The following PKD2 variants were observed in gnomAD, a reference collection of about 807,000 sequenced individuals.
The protein encoded by PKD2 is polycystin-2.
PKD2 carries 48 observed loss-of-function variants against 105.9 expected under a neutral mutation model. The observed-to-expected ratio is 0.45, with a 90% CI of 0.36 to 0.58. The LOEUF is 0.58. Ranked by LOEUF, PKD2 falls within the 20% of genes least tolerant of loss-of-function variation. The pLI is 0.00. For missense variants in PKD2, 1,078 were observed against 1,255.3 expected (o/e 0.86, Z 2.13); for synonymous variants, 464 against 481.1 (o/e 0.96, Z 0.46).
At chr4:88,055,882 T>C (rs1720310629) in intron 7 of PKD2, among the ~76,000 whole-genome samples, 2 of 152,322 alleles carry the variant, frequency 1.3e-5, no homozygotes, top group South Asian at 4.1e-4. Flanking sequence ...GTTTGACTAT[T>C]CTAAGTACCT....
chr4:88,008,389 G>T, intron 1 of PKD2, 61 bp downstream of exon 1: 1 of 1,465,190 alleles, frequency 6.8e-7, no homozygotes, highest in Non-Finnish European at 9.0e-7. Flanking sequence ...GCCGGCCGGG[G>T]CCATCGCCCG....
intron 10 of PKD2, among the ~76,000 whole-genome samples, chr4:88,064,594 G>A (rs776014742): frequency 3.3e-5 from 5 of 152,006 alleles, no homozygotes; most frequent in Middle Eastern, 3.2e-3. Flanking sequence ...TCTAAAGTTC[G>A]CTAATGAAAA....
At chr4:88,075,174 A>G (rs1055862702) in intron 14 of PKD2, among the ~76,000 whole-genome samples, 4 of 152,220 alleles carry the variant, frequency 2.6e-5, no homozygotes, top group Admixed American at 6.5e-5. Context: ...TAAAACATCA[A>G]TGTAGTCATA....
chr4:88,074,357 C>T (rs1362149708), intron 13 of PKD2, among the ~76,000 whole-genome samples: 3 of 152,066 alleles, frequency 2.0e-5, no homozygotes, highest in Admixed American at 2.0e-4. Flanking sequence ...CAGGCTGGCT[C>T]GAACTCCTGG....
intron 2 of PKD2, among the ~76,000 whole-genome samples, chr4:88,029,894 GA>G (rs1489275812): frequency 6.6e-6 from 1 of 152,194 alleles, no homozygotes; most frequent in African/African-American, 2.4e-5. Context: ...CCAGTTCCTG[GA>G]GAGCAGATCA....
At chr4:88,054,564 T>C (rs2110125244) in intron 7 of PKD2, among the ~76,000 whole-genome samples, 1 of 152,108 alleles carries the variant, frequency 6.6e-6, no homozygotes. Flanking sequence ...CTCAGGCTGA[T>C]GTGTTTTATT....
At chr4:88,041,522 G>A (rs922091989) in intron 4 of PKD2, among the ~76,000 whole-genome samples, 8 of 152,146 alleles carry the variant, frequency 5.3e-5, no homozygotes, top group African/African-American at 1.9e-4. Flanking sequence ...GCTTCCAGGA[G>A]CCCTCTCCCA....
At chr4:88,019,119 A>G (rs903657085) in intron 1 of PKD2, among the ~76,000 whole-genome samples, 4 of 152,198 alleles carry the variant, frequency 2.6e-5, no homozygotes, top group African/African-American at 9.7e-5. Context: ...AGTTTTGCAC[A>G]ATTATTTAAC....
At chr4:88,042,080 T>A (rs191523079) in intron 4 of PKD2, among the ~76,000 whole-genome samples, 11 of 152,344 alleles carry the variant, frequency 7.2e-5, no homozygotes, top group East Asian at 1.9e-4. Context: ...CTGAACTACT[T>A]CTTCTCTTGA....
rs1720121916 is a variant in PKD2, at chr4:88,052,015, A to C, written c.1573A>C (p.Asn525His). Residue 525 changes from asparagine (N) to histidine (H), a missense_variant, in exon 7 of 15, where the codon AAC (asparagine) becomes CAC (histidine). Asn to His is a moderately conservative substitution (Grantham distance 68). Around this residue, in one of 2 missense-constraint regions of PKD2, gnomAD observed 868 missense variants for 1,067.3 expected, o/e 0.81. Coordinates refer to ENST00000237596, the MANE Select transcript of PKD2 (RefSeq NM_000297.4). ...GCTGTCAGTGGTAGCTATAGGAATT[A>C]ACATATACAGAACATCAAATGTGGA... ...VVLSVVAIGI[N>H]IYRTSNVEVL... 1.2e-5 allele frequency: 19 copies of C among 1,594,828 alleles called. No individual in the cohort carries two copies. The highest frequency in any genetic ancestry group is 1.6e-5 in the Non-Finnish European group (19 of 1,162,838).
Position 88,077,019 on chromosome 4 carries a change from T to C in PKD2, c.*1325T>C, listed in dbSNP as rs1436422502. ...TACGAGAGGGTCTCACCCAAATTTA[T>C]GGGGAGAAATCTATTTCTCAAAAAA... is the stretch of plus-strand genomic sequence containing the variant. On this transcript the variant is annotated 3_prime_UTR_variant, in exon 15 of 15. Coordinates refer to ENST00000237596, the MANE Select transcript of PKD2 (RefSeq NM_000297.4). 2.0e-5 allele frequency: 3 copies of C among 152,068 alleles called. No homozygotes were observed. The highest frequency in any genetic ancestry group is 4.4e-5 in the Non-Finnish European group (3 of 68,016). 9.4% of individuals were successfully genotyped at this position (152,068 alleles called of 1,614,324 possible).
intron 13 of PKD2, among the ~76,000 whole-genome samples, chr4:88,070,593 T>G (rs868818872): frequency 0.04 from 4,289 of 108,144 alleles, 85 homozygotes; most frequent in South Asian, 0.075. Flanking sequence ...TATATATATA[T>G]ATATATATAG....
chr4:88,023,794 G>C (rs1726852424), intron 2 of PKD2, among the ~76,000 whole-genome samples: 1 of 152,174 alleles, frequency 6.6e-6, no homozygotes, highest in Non-Finnish European at 1.5e-5. Flanking sequence ...AAAGATTGTT[G>C]AGAATGGCAG....
chr4:88,054,650 CTTTTTT>C (rs1184325520), intron 7 of PKD2, among the ~76,000 whole-genome samples: 1 of 81,374 alleles, frequency 1.2e-5, no homozygotes, highest in Non-Finnish European at 2.2e-5. Context: ...CATGACTCTA[CTTTTTT>C]TTTTTTTTTT....
At chr4:88,067,870 C>T (rs748665579) in intron 12 of PKD2, 28 bp from the exon 13 acceptor site, 9 of 1,609,134 alleles carry the variant, frequency 5.6e-6, no homozygotes, top group Non-Finnish European at 6.8e-6. Context: ...GTGTTCTGCT[C>T]CTCACTCAGT....
At chr4:88,014,295 G>C (rs910185992) in intron 1 of PKD2, among the ~76,000 whole-genome samples, 25 of 152,090 alleles carry the variant, frequency 1.6e-4, no homozygotes, top group African/African-American at 5.8e-4. Flanking sequence ...AGAATATGCA[G>C]GTAGAACTAC....
chr4:88,071,795 T>A (rs1433825308), intron 13 of PKD2, among the ~76,000 whole-genome samples: 1 of 152,132 alleles, frequency 6.6e-6, no homozygotes, highest in Non-Finnish European at 1.5e-5. Context: ...AGCGTGCTCA[T>A]TAACTTTCTC....
chr4:88,068,974 C>G (rs1180462254), intron 13 of PKD2, among the ~76,000 whole-genome samples: 1 of 152,112 alleles, frequency 6.6e-6, no homozygotes, highest in African/African-American at 2.4e-5. Flanking sequence ...TATATTGACC[C>G]TATTTTCTCT....
chr4:88,043,885 G>A (rs1398948914), intron 5 of PKD2, among the ~76,000 whole-genome samples: 1 of 152,146 alleles, frequency 6.6e-6, no homozygotes, highest in African/African-American at 2.4e-5. Context: ...AGTAACCGGA[G>A]TGCTTGTAGG....
Sources: allele counts gnomAD v4.1 joint callset (sites outside exome capture counted in the v4.1 genomes callset), GRCh38; gene constraint gnomAD v4.1.1; regional missense constraint gnomAD v4.1.1; transcripts MANE v1.5; gene names NCBI Gene and HGNC (gene_info 2026-07-23, HGNC 2026-07-21).